Variants in LRRK1 observed in about 807,000 individuals in gnomAD.
LRRK1 encodes leucine-rich repeat serine/threonine-protein kinase 1.
LRRK1 carries 113 observed loss-of-function variants against 209.1 expected under a neutral mutation model. The ratio of observed to expected loss-of-function variants is 0.54; its 90% CI spans 0.46 to 0.63. The LOEUF (loss-of-function observed/expected upper bound fraction) is 0.63, where lower values mean the gene tolerates loss of function less well. Ranked by LOEUF, LRRK1 falls within the 30% of genes least tolerant of loss-of-function variation. The probability of loss-of-function intolerance (pLI) is 0.00; values close to 1 mark genes in which losing one functional copy is unlikely to be tolerated. For synonymous variants in LRRK1, 1,144 were observed against 1,099.7 expected (o/e 1.04, Z -0.80); for missense variants, 2,284 against 2,632.2 (o/e 0.87, Z 2.89).
At chr15:101,037,871 A>G (rs941369874) in intron 20 of LRRK1, among the ~76,000 whole-genome samples, 2 of 152,256 alleles carry the variant, frequency 1.3e-5, no homozygotes, top group African/African-American at 4.8e-5. Flanking sequence ...ACTACTGGCT[A>G]TCTACCCAGA....
chr15:101,024,922 G>A lies in LRRK1; in HGVS notation c.2187G>A (p.Gly729=). ...LYVVVWNLAL[G]EEAVANLQFW... ...TGGTGGTCTGGAACCTGGCGCTGGG[G>A]GAGGAGGCCGTGGCCAACCTCCAGT... is the stretch of plus-strand genomic sequence containing the variant. The change falls in exon 16 of 34, where the codon GGG becomes GGA. Residue 729 remains glycine (G), a synonymous_variant. Transcript: ENST00000388948. The surrounding 1 kb of genome is among the most constrained non-coding windows in gnomAD (Gnocchi z 4.6). 1.2e-6 allele frequency: 2 copies of A among 1,614,098 alleles called. No individual in the cohort carries two copies. Among genetic ancestry groups the A allele is most frequent in the South Asian group, 2.2e-5 (2 of 91,086 alleles).
intron 2 of LRRK1, among the ~76,000 whole-genome samples, chr15:100,935,055 G>A (rs2042277279): frequency 6.6e-6 from 1 of 152,170 alleles, no homozygotes; most frequent in Non-Finnish European, 1.5e-5. Flanking sequence ...TCCCTCTTGT[G>A]CCTGGTCTTA....
intron 4 of LRRK1, among the ~76,000 whole-genome samples, chr15:100,988,003 A>G (rs911725426): frequency 6.6e-6 from 1 of 152,058 alleles, no homozygotes; most frequent in Non-Finnish European, 1.5e-5. Context: ...CCATTTCATC[A>G]CTCGGCATTA....
chr15:101,058,620 G>GGGGC lies in LRRK1; in HGVS notation c.4679+482_4679+483insCGGG, dbSNP rs1555479997. On this transcript the variant is annotated intron_variant, in intron 29 of 33. Coordinates refer to ENST00000388948, the MANE Select transcript of LRRK1 (RefSeq NM_024652.6). ...CCCCAGATTGCAGAAGGGGCAACGG[G>GGGGC]GGGGGGCGTCTAAACAGAGTTGGGG... is the stretch of plus-strand genomic sequence containing the variant. Among the ~76,000 whole-genome samples, 11 of 149,288 alleles carry GGGGC rather than the reference G, an allele frequency of 7.4e-5. 3 individuals are homozygous for GGGGC. The highest frequency in any genetic ancestry group is 3.3e-4 in the Admixed American group (5 of 15,122).
intron 30 of LRRK1, among the ~76,000 whole-genome samples, chr15:101,062,001 C>T (rs1277325621): frequency 6.6e-6 from 1 of 152,228 alleles, no homozygotes; most frequent in Non-Finnish European, 1.5e-5. Context: ...ACTTAAGCCT[C>T]AGAAATCTCA....
intron 2 of LRRK1, among the ~76,000 whole-genome samples, chr15:100,932,079 GGGTTC>G (rs1354108426): frequency 6.6e-6 from 1 of 152,164 alleles, no homozygotes. Flanking sequence ...TCCACCTCCA[GGGTTC>G]AAGCGATTCT....
intron 9 of LRRK1, among the ~76,000 whole-genome samples, chr15:101,011,267 G>GGTC (rs2033224491): frequency 6.6e-6 from 1 of 150,772 alleles, no homozygotes. Context: ...AGGAGATTGA[G>GGTC]ACCATCCTGG....
In LRRK1 at chr15:101,013,658, C is replaced by T. The variant is rs536291332; in HGVS notation, c.1420-658C>T. Among the ~76,000 whole-genome samples the T allele has an allele frequency of 3.9e-5, 6 of 152,160 alleles. No individual in the cohort carries two copies. The South Asian group carries it at 8.3e-4, about 21-fold the overall frequency. ...AAAGAATAACAAAAAAAGAATAAAA[C>T]GTGTTACAGGTGCAAGGTAGCCCCT... On this transcript the variant is annotated intron_variant, in intron 10 of 33. Coordinates refer to ENST00000388948, the MANE Select transcript of LRRK1 (RefSeq NM_024652.6).
chr15:100,938,527 C>A (rs2042343998), intron 2 of LRRK1, among the ~76,000 whole-genome samples: 1 of 152,130 alleles, frequency 6.6e-6, no homozygotes, highest in African/African-American at 2.4e-5. Context: ...TGCACTGGAA[C>A]TTACTCCTCC....
intron 2 of LRRK1, among the ~76,000 whole-genome samples, chr15:100,934,509 A>C (rs1299480523): frequency 6.6e-6 from 1 of 151,542 alleles, no homozygotes; most frequent in African/African-American, 2.4e-5. Context: ...AGAACAAGAG[A>C]GCTGAGCAAG....
intron 21 of LRRK1, 48 bp from the exon 22 acceptor site, chr15:101,048,446 A>G: frequency 6.4e-7 from 1 of 1,556,666 alleles, no homozygotes; most frequent in Non-Finnish European, 8.7e-7. Flanking sequence ...GCCCAGGGCC[A>G]GCGAGGAGCC....
At chr15:101,018,873 T>C (rs527303367) in intron 12 of LRRK1, among the ~76,000 whole-genome samples, 13 of 152,304 alleles carry the variant, frequency 8.5e-5, no homozygotes, top group Middle Eastern at 3.4e-3. Flanking sequence ...GTAGGGTTAT[T>C]CTCCCAGGGC....
intron 3 of LRRK1, among the ~76,000 whole-genome samples, chr15:100,980,594 T>C (rs190634465): frequency 5.3e-5 from 8 of 152,358 alleles, no homozygotes; most frequent in African/African-American, 1.4e-4. Context: ...TTGCTACAAT[T>C]ATGTAACATA....
intron 24 of LRRK1, among the ~76,000 whole-genome samples, chr15:101,052,205 C>A (rs1196183307): frequency 6.6e-6 from 1 of 152,216 alleles, no homozygotes; most frequent in Non-Finnish European, 1.5e-5. Flanking sequence ...GCAAGTGCAG[C>A]CATCCTGCCT....
At chr15:100,941,202 CTGTGTGTGTCTGTATGTGTCTG>C (rs1446463428) in intron 2 of LRRK1, among the ~76,000 whole-genome samples, 20 of 142,032 alleles carry the variant, frequency 1.4e-4, no homozygotes, top group African/African-American at 4.8e-4. Flanking sequence ...ATGTGTGTTT[CTGTGTGTGTCTGTATGTGTCTG>C]TGTGTGTGTC....
intron 31 of LRRK1, 50 bp downstream of exon 31, chr15:101,062,740 C>T: frequency 7.5e-7 from 1 of 1,341,704 alleles, no homozygotes; most frequent in Non-Finnish European, 1.1e-6. Context: ...CACTTCCACG[C>T]CTAGGAGGCG....
intron 2 of LRRK1, among the ~76,000 whole-genome samples, chr15:100,943,759 C>T (rs1222784929): frequency 6.7e-6 from 1 of 149,204 alleles, no homozygotes; most frequent in Non-Finnish European, 1.5e-5. Flanking sequence ...CTCACTGCAA[C>T]ATCCGCCTCC....
At chr15:101,064,083 C>A (rs2036373662) in intron 31 of LRRK1, among the ~76,000 whole-genome samples, 1 of 152,268 alleles carries the variant, frequency 6.6e-6, no homozygotes, top group Non-Finnish European at 1.5e-5. Flanking sequence ...CTTGCACGCG[C>A]ACCCACGTTC....
At chr15:101,062,821 G>C in intron 31 of LRRK1, 131 bp downstream of exon 31, 1 of 706,664 alleles carries the variant, frequency 1.4e-6, no homozygotes, top group Non-Finnish European at 2.5e-6. Flanking sequence ...CGTAGACTTA[G>C]AGACGGTGGG....
Sources: allele counts gnomAD v4.1 joint callset (sites outside exome capture counted in the v4.1 genomes callset), GRCh38; gene constraint gnomAD v4.1.1; non-coding constraint Gnocchi (gnomAD v3.1); transcripts MANE v1.5; gene names NCBI Gene and HGNC (gene_info 2026-07-23, HGNC 2026-07-21).